TCF12: variants seen among roughly 807,000 people sequenced by gnomAD.
TCF12 encodes DNA-binding protein HTF4.
In TCF12, 45 loss-of-function variants were observed where a neutral mutation model predicts 86.0. That is an observed-to-expected ratio of 0.52 (90% CI 0.41 to 0.67). TCF12 has a LOEUF of 0.67. Ranked by LOEUF, TCF12 falls within the 30% of genes least tolerant of loss-of-function variation. TCF12 has a pLI of 0.00. For synonymous variants in TCF12, 330 were observed against 299.6 expected (o/e 1.10, Z -1.05); for missense variants, 881 against 859.9 (o/e 1.02, Z -0.31).
At chr15:57,112,463 C>G (rs565808586) in intron 5 of TCF12, among the ~76,000 whole-genome samples, 1 of 152,280 alleles carries the variant, frequency 6.6e-6, no homozygotes, top group Admixed American at 6.5e-5. Context: ...CCTGGCCCAG[C>G]TGCAACTTGA....
chr15:57,114,651 G>C (rs919450562), intron 5 of TCF12, among the ~76,000 whole-genome samples: 1 of 152,108 alleles, frequency 6.6e-6, no homozygotes, highest in African/African-American at 2.4e-5. Context: ...AGCGGGACAG[G>C]TAGGGTGGAA....
At chr15:57,228,880 AGT>A (rs1160785099) in intron 8 of TCF12, among the ~76,000 whole-genome samples, 1 of 152,006 alleles carries the variant, frequency 6.6e-6, no homozygotes, top group Non-Finnish European at 1.5e-5. Flanking sequence ...TCAAAACTGG[AGT>A]GTTTTCATAA....
At chr15:57,061,173 G>A (rs1893351024) in intron 3 of TCF12, among the ~76,000 whole-genome samples, 1 of 152,126 alleles carries the variant, frequency 6.6e-6, no homozygotes, top group Non-Finnish European at 1.5e-5. Flanking sequence ...TATAGAAGTA[G>A]AGTCACTTGA....
intron 6 of TCF12, among the ~76,000 whole-genome samples, chr15:57,169,915 T>C (rs1254748749): frequency 6.6e-6 from 1 of 152,242 alleles, no homozygotes; most frequent in African/African-American, 2.4e-5. Context: ...CAAGGATTAA[T>C]GTGCATTTGT....
chr15:57,124,142 C>G (rs1417081813), intron 5 of TCF12, among the ~76,000 whole-genome samples: 13 of 152,126 alleles, frequency 8.5e-5, no homozygotes, highest in Admixed American at 6.5e-4. Context: ...CTCTAAAGGC[C>G]TCTGGCTCAG....
intron 3 of TCF12, among the ~76,000 whole-genome samples, chr15:57,031,473 A>G (rs17239089): frequency 0.04 from 6,145 of 152,298 alleles, 372 homozygotes; most frequent in Admixed American, 0.17. Flanking sequence ...ATCAGACCCT[A>G]TAACTCAGAA....
At position 56,990,384 on chromosome 15, in the gene TCF12, T is replaced by C. The variant is rs192952142; in HGVS notation, c.148+69286T>C. Among the ~76,000 whole-genome samples, 11 of 152,130 alleles carry C rather than the reference T, an allele frequency of 7.2e-5. No homozygotes were observed. The East Asian group carries it at 1.5e-3, about 21-fold the overall frequency. ...ACAAAATTCAGAGTGTTTTGGCCCC[T>C]TTTCTAGGACAGATTTAGAAACTTA... On this transcript the variant is annotated intron_variant, in intron 3 of 20. Coordinates refer to ENST00000333725, the MANE Select transcript of TCF12 (RefSeq NM_207037.2).
rs558442507 is a variant in TCF12, at chr15:57,289,494, C to A, written c.*3349C>A. On this transcript the variant is annotated 3_prime_UTR_variant, in exon 21 of 21. Coordinates refer to ENST00000333725, the MANE Select transcript of TCF12 (RefSeq NM_207037.2). ...TCTTTCTCTTTGCAGATTTCTAGGCCGCTTCTGCTCAGTGTCTTCATTTTC... is the reference window on the plus strand; with the variant it reads ...TCTTTCTCTTTGCAGATTTCTAGGCAGCTTCTGCTCAGTGTCTTCATTTTC... The A allele has an allele frequency of 6.6e-6, 1 of 152,020 alleles. No homozygotes were observed. The highest frequency in any genetic ancestry group is 1.5e-5 in the Non-Finnish European group (1 of 68,008). The allele number at this position is 152,020 out of a possible 1,614,324, so 9.4% of individuals were successfully genotyped here.
rs2060617952 is a variant in TCF12 at position 57,262,152 on chromosome 15, G to A, written c.1526G>A (p.Ser509Asn). ...AATGGCAATCATTCAGTCCTGTCTA[G>A]TACAGTCACTACTTCAAGCACAGAC... ...SLNGNHSVLS[S>N]TVTTSSTDLN... The change falls in exon 17 of 21, where the codon AGT becomes AAT. Residue 509 changes from serine to asparagine, a missense_variant. Coordinates refer to ENST00000333725, the MANE Select transcript of TCF12 (RefSeq NM_207037.2). 1 of 1,613,726 alleles carries A rather than the reference G, an allele frequency of 6.2e-7. No homozygotes were observed. The highest frequency in any genetic ancestry group is 8.5e-7 in the Non-Finnish European group (1 of 1,179,754).
At chr15:57,128,716 G>C (rs1441590948) in intron 5 of TCF12, among the ~76,000 whole-genome samples, 1 of 152,084 alleles carries the variant, frequency 6.6e-6, no homozygotes. Flanking sequence ...CCATCTCCTA[G>C]CAACAGTTTG....
At chr15:57,114,459 T>A (rs2050708220) in intron 5 of TCF12, among the ~76,000 whole-genome samples, 1 of 152,150 alleles carries the variant, frequency 6.6e-6, no homozygotes, top group South Asian at 2.1e-4. Context: ...CCTAGCTAAT[T>A]TTTTTATTTT....
At chr15:57,239,669 CAT>C (rs2059531641) in intron 12 of TCF12, among the ~76,000 whole-genome samples, 1 of 152,092 alleles carries the variant, frequency 6.6e-6, no homozygotes, top group Non-Finnish European at 1.5e-5. Context: ...GTGATTATGA[CAT>C]GTGCCTGTCC....
At chr15:57,106,988 C>G (rs1374826093) in intron 5 of TCF12, among the ~76,000 whole-genome samples, 1 of 152,206 alleles carries the variant, frequency 6.6e-6, no homozygotes, top group African/African-American at 2.4e-5. Flanking sequence ...ATGGTATAGT[C>G]ACTTTGGAAG....
At chr15:57,212,308 C>T (rs749071581) in intron 8 of TCF12, among the ~76,000 whole-genome samples, 1 of 151,936 alleles carries the variant, frequency 6.6e-6, no homozygotes, top group Non-Finnish European at 1.5e-5. Context: ...TTTCTAGAGA[C>T]GGTCTCTCTC....
rs1171519451 is a variant in TCF12 at position 57,007,820 on chromosome 15, T to TTC, written c.149-55929_149-55928insCT. On this transcript the variant is annotated intron_variant, in intron 3 of 20. Transcript: ENST00000333725. Reference sequence around the variant, plus strand: ...TTTCTTTCTTTCTTTCTTTCTTTCTTTTTCTTTCTTTCTTTCTTTCTCTCT... The same window carrying TTC: ...TTTCTTTCTTTCTTTCTTTCTTTCTTTCTTTCTTTCTTTCTTTCTTTCTCTCT... Among the ~76,000 whole-genome samples, 333 of 123,034 alleles carry TTC rather than the reference T, an allele frequency of 2.7e-3. 1 individual carries two copies. The highest frequency in any genetic ancestry group is 6.3e-3 in the African/African-American group (206 of 32,926). 80.7% of individuals were successfully genotyped at this position (123,034 alleles called of 152,430 possible). A position where few individuals can be genotyped will look rare whatever the true frequency, so the allele number is the denominator to read the frequency against.
intron 8 of TCF12, 147 bp downstream of exon 8, chr15:57,197,972 G>T: frequency 1.3e-6 from 1 of 775,296 alleles, no homozygotes; most frequent in South Asian, 1.8e-5. Context: ...CATTGATTGA[G>T]GTAAATCCAC....
At chr15:57,271,896 T>A (rs2061162603) in intron 18 of TCF12, among the ~76,000 whole-genome samples, 1 of 152,224 alleles carries the variant, frequency 6.6e-6, no homozygotes, top group Non-Finnish European at 1.5e-5. Context: ...TAAAAGTTAT[T>A]TAACAGCCAC....
intron 3 of TCF12, among the ~76,000 whole-genome samples, chr15:57,057,062 T>C (rs1294550948): frequency 6.6e-6 from 1 of 152,222 alleles, no homozygotes; most frequent in Non-Finnish European, 1.5e-5. Context: ...TAGTGAGCCA[T>C]TTGCTTTTGG....
chr15:57,055,512 T>A (rs2067953219), intron 3 of TCF12, among the ~76,000 whole-genome samples: 1 of 152,216 alleles, frequency 6.6e-6, no homozygotes, highest in Admixed American at 6.5e-5. Flanking sequence ...TTTGTAAAGG[T>A]CTTTATTTCA....
Sources: gnomAD v4.1 joint callset for allele counts (sites outside exome capture counted in the v4.1 genomes callset) on GRCh38, gnomAD v4.1.1 for gene constraint, MANE v1.5 for transcripts, NCBI Gene and HGNC (gene_info 2026-07-23, HGNC 2026-07-21) for gene names.